Variants in SRPK2 observed in about 807,000 individuals in gnomAD.
SRPK2 encodes SRSF protein kinase 2.
SRPK2 carries 21 observed loss-of-function variants against 90.8 expected under a neutral mutation model. The ratio of observed to expected loss-of-function variants is 0.23; its 90% CI spans 0.16 to 0.33. The LOEUF is 0.33. SRPK2 is among the 10% of genes least tolerant of loss of function. The pLI is 1.00. For synonymous variants in SRPK2, 288 were observed against 311.1 expected (o/e 0.93, Z 0.78); for missense variants, 620 against 869.0 (o/e 0.71, Z 3.60).
In SRPK2 at chr7:105,160,539, G is replaced by A. The variant is rs1807460846; in HGVS notation, c.589C>T (p.Pro197Ser). The change falls in exon 7 of 16, where the codon CCA becomes TCA. Residue 197 changes from proline to serine, a missense_variant. Around this residue, in one of 8 missense-constraint regions of SRPK2, gnomAD observed 196 missense variants for 339.2 expected, o/e 0.58. Coordinates refer to ENST00000393651, the MANE Select transcript of SRPK2 (RefSeq NM_182692.3). ...ATGATACTCTTCACACAACGTACTGGGAGGCCTTGATAGTTGGATTTGATG... is the reference window on the plus strand; with the variant it reads ...ATGATACTCTTCACACAACGTACTGAGAGGCCTTGATAGTTGGATTTGATG... ...WIIKSNYQGL[P>S]VRCVKSIIRQ... 2.5e-6 allele frequency: 4 copies of A among 1,613,546 alleles called. No homozygotes were observed. The highest frequency in any genetic ancestry group is 3.4e-6 in the Non-Finnish European group (4 of 1,179,602).
intron 2 of SRPK2, among the ~76,000 whole-genome samples, chr7:105,308,428 AT>A (rs377549088): frequency 1.1e-3 from 172 of 152,316 alleles, no homozygotes; most frequent in Middle Eastern, 3.4e-3. Context: ...AAAGCCCTGT[AT>A]ATTAGAACTC....
At chr7:105,338,943 T>C (rs1038625485) in intron 2 of SRPK2, among the ~76,000 whole-genome samples, 13 of 152,282 alleles carry the variant, frequency 8.5e-5, no homozygotes, top group African/African-American at 2.9e-4. Context: ...CACTACTAAA[T>C]ACCATAATAC....
At chr7:105,380,520 A>AT (rs1820816201) in intron 2 of SRPK2, among the ~76,000 whole-genome samples, 1 of 132,110 alleles carries the variant, frequency 7.6e-6, no homozygotes, top group African/African-American at 2.7e-5. Context: ...AACATGCTAA[A>AT]ATTTTTTTTT....
chr7:105,288,220 T>C (rs925596325), intron 2 of SRPK2, among the ~76,000 whole-genome samples: 2 of 152,218 alleles, frequency 1.3e-5, no homozygotes, highest in East Asian at 3.8e-4. Flanking sequence ...GTCCCTTCTA[T>C]TTCCACCCAT....
intron 13 of SRPK2, among the ~76,000 whole-genome samples, chr7:105,131,481 T>A (rs569438726): frequency 6.8e-4 from 104 of 152,354 alleles, no homozygotes; most frequent in Admixed American, 1.1e-3. Context: ...TTAATACCTT[T>A]AATAATTTAA....
chr7:105,275,888 G>T (rs928539660), intron 2 of SRPK2, among the ~76,000 whole-genome samples: 1 of 152,146 alleles, frequency 6.6e-6, no homozygotes, highest in Non-Finnish European at 1.5e-5. Context: ...TGAGGACCCT[G>T]ACTTTTGTCA....
upstream of SRPK2, among the ~76,000 whole-genome samples, chr7:105,392,520 C>A (rs1822205372): frequency 6.6e-6 from 1 of 152,142 alleles, no homozygotes; most frequent in Non-Finnish European, 1.5e-5. Flanking sequence ...TTTTATAATC[C>A]TATCATTTTT....
chr7:105,244,520 G>T, intron 2 of SRPK2: 2 of 507,862 alleles, frequency 3.9e-6, no homozygotes, highest in East Asian at 7.2e-5. Context: ...CTTGCAGTGA[G>T]CTAAGATCGT....
At chr7:105,145,995 C>A (rs1399165307) in intron 8 of SRPK2, among the ~76,000 whole-genome samples, 1 of 152,154 alleles carries the variant, frequency 6.6e-6, no homozygotes, top group Non-Finnish European at 1.5e-5. Flanking sequence ...CCTCCCCGAC[C>A]CCGCCCCAGA....
intron 2 of SRPK2, among the ~76,000 whole-genome samples, chr7:105,254,263 C>T (rs1802911756): frequency 6.6e-6 from 1 of 152,188 alleles, no homozygotes; most frequent in Non-Finnish European, 1.5e-5. Context: ...AGTAAGTCAA[C>T]ACTATCTGGA....
At chr7:105,332,457 T>G (rs935867796) in intron 2 of SRPK2, among the ~76,000 whole-genome samples, 1 of 151,984 alleles carries the variant, frequency 6.6e-6, no homozygotes, top group Admixed American at 6.6e-5. Context: ...ACAGTGATAT[T>G]TAAAAAATAA....
intron 2 of SRPK2, among the ~76,000 whole-genome samples, chr7:105,312,389 G>A (rs572957575): frequency 2.5e-5 from 3 of 120,744 alleles, no homozygotes; most frequent in East Asian, 5.7e-4. Flanking sequence ...GCGGTGAGCC[G>A]AGATCATGCC....
At chr7:105,279,496 C>A (rs1264475068) in intron 2 of SRPK2, among the ~76,000 whole-genome samples, 8 of 152,132 alleles carry the variant, frequency 5.3e-5, no homozygotes, top group Admixed American at 4.6e-4. Context: ...ATTCCCCCTA[C>A]CCCCAGGAGG....
rs73186028 is a variant in SRPK2, at chr7:105,249,576, G to T, written c.72-45791C>A. 8.5e-3 allele frequency among the ~76,000 whole-genome samples: 1,287 copies of T among 151,812 alleles called. 9 individuals carry two copies. Among genetic ancestry groups the T allele is most frequent in the Non-Finnish European group, 0.014 (942 of 67,962 alleles). On this transcript the variant is annotated intron_variant, in intron 2 of 15. Coordinates refer to ENST00000393651, the MANE Select transcript of SRPK2 (RefSeq NM_182692.3). Reference sequence around the variant, plus strand: ...GAATTTCAAATACTGGAAGTTATCAGTTTATAAGAATCCCATCTAGAACCT... The same window carrying T: ...GAATTTCAAATACTGGAAGTTATCATTTTATAAGAATCCCATCTAGAACCT...
chr7:105,195,495 T>C (rs1794808597), intron 3 of SRPK2, among the ~76,000 whole-genome samples: 1 of 152,236 alleles, frequency 6.6e-6, no homozygotes, highest in South Asian at 2.1e-4. Flanking sequence ...CTCACACTCA[T>C]CTCTATCCTC....
chr7:105,326,886 A>C (rs865933624), intron 2 of SRPK2, among the ~76,000 whole-genome samples: 15 of 152,194 alleles, frequency 9.9e-5, no homozygotes, highest in Admixed American at 7.2e-4. Context: ...ACATGGTGAA[A>C]CCCGGTCTCT....
chr7:105,287,026 C>G lies in SRPK2; in HGVS notation c.72-83241G>C, dbSNP rs532424985. Among the ~76,000 whole-genome samples the G allele has an allele frequency of 2.6e-5, 4 of 152,004 alleles. No individual in the cohort carries two copies. The South Asian group carries it at 8.3e-4, about 32-fold the overall frequency. On this transcript the variant is annotated intron_variant, in intron 2 of 15. Coordinates refer to ENST00000393651, the MANE Select transcript of SRPK2 (RefSeq NM_182692.3). The stretch of plus-strand genomic sequence containing the variant: ...CCTGTAATCCCAGCACTTTGGGAGG[C>G]CGAGGCGGGCGGATCACGAGGTCAG...
chr7:105,388,195 G>A (rs895280382), intron 2 of SRPK2, among the ~76,000 whole-genome samples: 1 of 151,994 alleles, frequency 6.6e-6, no homozygotes. Context: ...CCGCACACTC[G>A]GCCCCTCCGC....
chr7:105,355,401 T>C (rs1330043211), intron 2 of SRPK2, among the ~76,000 whole-genome samples: 2 of 152,074 alleles, frequency 1.3e-5, no homozygotes, highest in Non-Finnish European at 2.9e-5. Flanking sequence ...TCCCAACACT[T>C]TGGCAAACAG....
Sources: allele counts gnomAD v4.1 joint callset (sites outside exome capture counted in the v4.1 genomes callset), GRCh38; gene constraint gnomAD v4.1.1; regional missense constraint gnomAD v4.1.1; transcripts MANE v1.5; gene names NCBI Gene and HGNC (gene_info 2026-07-23, HGNC 2026-07-21).